The following CRABP1 variants were observed in gnomAD, a reference collection of about 807,000 sequenced individuals.
The protein encoded by CRABP1 is cellular retinoic acid-binding protein 1.
Under a neutral mutation model 16.4 loss-of-function variants are expected in CRABP1, and 9 were observed. That is an observed-to-expected ratio of 0.55 (90% CI 0.33 to 0.96). The LOEUF (loss-of-function observed/expected upper bound fraction) is 0.96, where lower values mean the gene tolerates loss of function less well. Among genes scored for constraint, CRABP1 ranks in the 40% least tolerant of loss-of-function variants. The probability of loss-of-function intolerance (pLI) is 0.03; values close to 1 mark genes in which losing one functional copy is unlikely to be tolerated. For synonymous variants in CRABP1, 72 were observed against 70.4 expected (o/e 1.02, Z -0.11); for missense variants, 157 against 186.0 (o/e 0.84, Z 0.91).
In CRABP1 at chr15:78,341,648, C is replaced by T. The variant is rs1180314101; in HGVS notation, c.249+427C>T. On this transcript the variant is annotated intron_variant, in intron 2 of 3. Transcript: ENST00000299529. The surrounding 1 kb of genome is among the most constrained non-coding windows in gnomAD (Gnocchi z 5.3). ...GTATCCCCCGCGCCCGCCCGGGTCC[C>T]TGGGCCGCCTGGGTACGCTCTGGAT... The T allele has an allele frequency of 3.3e-6, 1 of 299,358 alleles. No homozygotes were observed. Among genetic ancestry groups the T allele is most frequent in the Non-Finnish European group, 6.6e-6 (1 of 152,410 alleles). 18.5% of individuals were successfully genotyped at this position (299,358 alleles called of 1,614,324 possible). A position where few individuals can be genotyped will look rare whatever the true frequency, so the allele number is the denominator to read the frequency against.
Position 78,341,516 on chromosome 15 carries a change from C to G in CRABP1, c.249+295C>G. The G allele has an allele frequency of 2.6e-6, 1 of 390,052 alleles. No homozygotes were observed. Among genetic ancestry groups the G allele is most frequent in the Non-Finnish European group, 4.9e-6 (1 of 205,920 alleles). The allele number at this position is 390,052 out of a possible 1,614,324, so 24.2% of individuals were successfully genotyped here. On this transcript the variant is annotated intron_variant, in intron 2 of 3. Coordinates refer to ENST00000299529, the MANE Select transcript of CRABP1 (RefSeq NM_004378.3). This position sits in a 1 kb window ranked among gnomAD's most constrained non-coding sequence, Gnocchi z 5.3. The stretch of plus-strand genomic sequence containing the variant: ...GCGTTCCCAGCAGTGGCTTTTGCAG[C>G]GGTTTGCAGCGCCAAGCGCAGGCGG...
At chr15:78,340,641 TC>T in intron 1 of CRABP1, 143 bp downstream of exon 1, 2 of 903,518 alleles carry the variant, frequency 2.2e-6, no homozygotes, top group African/African-American at 1.7e-5. Context: ...TCGCCTTGTC[TC>T]CCAGGCGCAC....
chr15:78,340,524 C>T, intron 1 of CRABP1, 26 bp downstream of exon 1: 1 of 1,597,104 alleles, frequency 6.3e-7, no homozygotes, highest in Non-Finnish European at 8.5e-7. Flanking sequence ...GGGCGCGCCC[C>T]GACGGGGAGA....
intron 1 of CRABP1, 156 bp downstream of exon 1, chr15:78,340,654 G>C (rs964541922): frequency 1.2e-6 from 1 of 826,708 alleles, no homozygotes; most frequent in African/African-American, 1.7e-5. Flanking sequence ...CAGGCGCACC[G>C]GGTCTCGGAG....
chr15:78,340,500 T>A lies in CRABP1; in HGVS notation c.70+2T>A, dbSNP rs947953771. Reference sequence around the variant, plus strand: ...TCGACGAGCTGCTCAAGGCACTGGGTAAGCTGGTGCAGAGGGCGCGCCCCG... The same window carrying A: ...TCGACGAGCTGCTCAAGGCACTGGGAAAGCTGGTGCAGAGGGCGCGCCCCG... On this transcript the variant is annotated splice_donor_variant, in intron 1 of 3. Transcript: ENST00000299529. LOFTEE classifies it high-confidence loss of function. 1.2e-6 allele frequency: 2 copies of A among 1,607,124 alleles called. No homozygotes were observed. The highest frequency in any genetic ancestry group is 1.7e-6 in the Non-Finnish European group (2 of 1,177,880).
At chr15:78,347,741 T>C in intron 3 of CRABP1, 186 bp from the exon 4 acceptor site, 1 of 600,080 alleles carries the variant, frequency 1.7e-6, no homozygotes, top group Non-Finnish European at 2.9e-6. Context: ...GGTTACCTCT[T>C]TACCAATAGC....
rs1219818823 is a variant in CRABP1, at chr15:78,341,004, G to A, written c.71-39G>A. On this transcript the variant is annotated intron_variant, in intron 1 of 3. Transcript: ENST00000299529. This position sits in a 1 kb window ranked among gnomAD's most constrained non-coding sequence, Gnocchi z 5.3. ...CCCGACCGGTCCCGAGACTGGCGGC[G>A]AGGCCCCGTGACCCAAGCCTGTGGT... The A allele has an allele frequency of 5.1e-6, 8 of 1,575,438 alleles. No homozygotes were observed. The highest frequency in any genetic ancestry group is 6.9e-6 in the Non-Finnish European group (8 of 1,163,848).
chr15:78,341,038 C>A lies in CRABP1; in HGVS notation c.71-5C>A, dbSNP rs2050230390. On this transcript the variant is annotated splice_region_variant and splice_polypyrimidine_tract_variant and intron_variant, in intron 1 of 3. Transcript: ENST00000299529. The surrounding 1 kb of genome is among the most constrained non-coding windows in gnomAD (Gnocchi z 5.3). Reference sequence around the variant, plus strand: ...TGACCCAAGCCTGTGGTGCACCCTGCGCAGGTGTGAACGCCATGCTGAGGA... The same window carrying A: ...TGACCCAAGCCTGTGGTGCACCCTGAGCAGGTGTGAACGCCATGCTGAGGA... 1 of 1,605,086 alleles carries A rather than the reference C, an allele frequency of 6.2e-7. No homozygotes were observed. Among genetic ancestry groups the A allele is most frequent in the Non-Finnish European group, 8.5e-7 (1 of 1,178,808 alleles).
At chr15:78,342,219 G>C (rs2050239400) in intron 2 of CRABP1, among the ~76,000 whole-genome samples, 1 of 152,080 alleles carries the variant, frequency 6.6e-6, no homozygotes, top group Non-Finnish European at 1.5e-5. Flanking sequence ...CACGCTTGGA[G>C]GGGGTGGGAT....
In CRABP1 at chr15:78,341,552, G is replaced by T; in HGVS notation, c.249+331G>T. 2.9e-6 allele frequency: 1 copy of T among 344,458 alleles called. No homozygotes were observed. Among genetic ancestry groups the T allele is most frequent in the Non-Finnish European group, 5.6e-6 (1 of 177,248 alleles). The allele number at this position is 344,458 out of a possible 1,614,324, so 21.3% of individuals were successfully genotyped here. On this transcript the variant is annotated intron_variant, in intron 2 of 3. Transcript: ENST00000299529. This position sits in a 1 kb window ranked among gnomAD's most constrained non-coding sequence, Gnocchi z 5.3. ...GCCAAGCGCAGGCGGCGCAGGAGGA[G>T]GAGGAGGTTGCAGGAGCCGCCAGGT...
chr15:78,341,557 A>AG lies in CRABP1; in HGVS notation c.249+338dup, dbSNP rs755701446. On this transcript the variant is annotated intron_variant, in intron 2 of 3. Coordinates refer to ENST00000299529, the MANE Select transcript of CRABP1 (RefSeq NM_004378.3). The surrounding 1 kb of genome is among the most constrained non-coding windows in gnomAD (Gnocchi z 5.3). Reference sequence around the variant, plus strand: ...GCGCAGGCGGCGCAGGAGGAGGAGGAGGTTGCAGGAGCCGCCAGGTTCTCT... The same window carrying AG: ...GCGCAGGCGGCGCAGGAGGAGGAGGAGGGTTGCAGGAGCCGCCAGGTTCTCT... 6.3e-5 allele frequency: 21 copies of AG among 332,794 alleles called. No homozygotes were observed. The highest frequency in any genetic ancestry group is 1.2e-4 in the Non-Finnish European group (21 of 170,692). The allele number at this position is 332,794 out of a possible 1,614,324, so 20.6% of individuals were successfully genotyped here. A position where few individuals can be genotyped will look rare whatever the true frequency, so the allele number is the denominator to read the frequency against.
At chr15:78,340,895 T>G in intron 1 of CRABP1, 148 bp from the exon 2 acceptor site, 1 of 798,390 alleles carries the variant, frequency 1.3e-6, no homozygotes, top group Non-Finnish European at 1.9e-6. Flanking sequence ...TGCCTCAGTC[T>G]CTCATCTCGA....
intron 2 of CRABP1, among the ~76,000 whole-genome samples, chr15:78,342,402 C>T (rs944710424): frequency 6.6e-6 from 1 of 152,096 alleles, no homozygotes; most frequent in Non-Finnish European, 1.5e-5. Context: ...AAGGTTCACA[C>T]AACAGCCGGG....
intron 2 of CRABP1, 60 bp from the exon 3 acceptor site, chr15:78,343,439 T>C: frequency 4.6e-6 from 6 of 1,311,276 alleles, no homozygotes; most frequent in Non-Finnish European, 6.6e-6. Context: ...TGCTCATTGT[T>C]GTCCCTGCTC....
In CRABP1 at chr15:78,341,492, C is replaced by T. The variant is rs2050234583; in HGVS notation, c.249+271C>T. ...AAAGAGCGGGCTCTGGGTTGCGCCG[C>T]GTTCCCAGCAGTGGCTTTTGCAGCG... On this transcript the variant is annotated intron_variant, in intron 2 of 3. Transcript: ENST00000299529. This position sits in a 1 kb window ranked among gnomAD's most constrained non-coding sequence, Gnocchi z 5.3. 2.2e-6 allele frequency: 1 copy of T among 448,458 alleles called. No individual in the cohort carries two copies. Among genetic ancestry groups the T allele is most frequent in the Non-Finnish European group, 4.2e-6 (1 of 240,516 alleles). 27.8% of individuals were successfully genotyped at this position (448,458 alleles called of 1,614,324 possible).
rs2050236711 is a variant in CRABP1, at chr15:78,341,771, G to T, written c.249+550G>T. On this transcript the variant is annotated intron_variant, in intron 2 of 3. Transcript: ENST00000299529. The surrounding 1 kb of genome is among the most constrained non-coding windows in gnomAD (Gnocchi z 5.3). Reference sequence around the variant, plus strand: ...CGGAGTCTTTCCAAAAGCAAGGCAGGTTCTGGCTGGGAAAATGGACTAGTT... The same window carrying T: ...CGGAGTCTTTCCAAAAGCAAGGCAGTTTCTGGCTGGGAAAATGGACTAGTT... The T allele has an allele frequency of 5.8e-6, 1 of 171,312 alleles. No individual in the cohort carries two copies. The highest frequency in any genetic ancestry group is 2.4e-5 in the African/African-American group (1 of 41,768). 10.6% of individuals were successfully genotyped at this position (171,312 alleles called of 1,614,324 possible). A position where few individuals can be genotyped will look rare whatever the true frequency, so the allele number is the denominator to read the frequency against.
intron 1 of CRABP1, chr15:78,340,728 C>G (rs758074203): frequency 3.8e-5 from 23 of 606,344 alleles, no homozygotes; most frequent in Non-Finnish European, 6.1e-5. Flanking sequence ...TGGCGCCCTC[C>G]TCGATGGTGC....
intron 3 of CRABP1, among the ~76,000 whole-genome samples, chr15:78,345,604 C>T (rs889626606): frequency 4.6e-5 from 7 of 152,232 alleles, no homozygotes; most frequent in Admixed American, 2.0e-4. Context: ...CTGTAGTATA[C>T]GAGCAGCTGG....
chr15:78,346,839 C>T (rs944172765), intron 3 of CRABP1, among the ~76,000 whole-genome samples: 1 of 152,110 alleles, frequency 6.6e-6, no homozygotes, highest in African/African-American at 2.4e-5. Context: ...TAGCTAAATG[C>T]CTCGTTTAGT....
Sources: gnomAD v4.1 joint callset for allele counts (sites outside exome capture counted in the v4.1 genomes callset) on GRCh38, gnomAD v4.1.1 for gene constraint, Gnocchi (gnomAD v3.1) non-coding constraint, MANE v1.5 for transcripts, NCBI Gene and HGNC (gene_info 2026-07-23, HGNC 2026-07-21) for gene names.